The following GCFC2 variants were observed in gnomAD, a reference collection of about 807,000 sequenced individuals.
The protein encoded by GCFC2 is intron Large complex component GCFC2.
GCFC2 carries 102 observed loss-of-function variants against 99.4 expected under a neutral mutation model. That is an observed-to-expected ratio of 1.03 (90% CI 0.87 to 1.21). GCFC2 has a LOEUF of 1.21. Ranked by LOEUF, GCFC2 falls within the 50% of genes most tolerant of loss-of-function variation. GCFC2 has a pLI of 0.00. For missense variants in GCFC2, 973 were observed against 920.9 expected (o/e 1.06, Z -0.73); for synonymous variants, 338 against 316.8 (o/e 1.07, Z -0.71).
chr2:75,668,635 G>A (rs1678955831), intron 15 of GCFC2, among the ~76,000 whole-genome samples: 1 of 152,144 alleles, frequency 6.6e-6, no homozygotes, highest in Non-Finnish European at 1.5e-5. Flanking sequence ...GACAGGTTCT[G>A]AGATTTATTT....
At chr2:75,712,940 T>G (rs1340080419), upstream of GCFC2, among the ~76,000 whole-genome samples, 1 of 152,200 alleles carries the variant, frequency 6.6e-6, no homozygotes, top group Non-Finnish European at 1.5e-5. Context: ...TGGAAGACCT[T>G]AGAAGTCCAG....
chr2:75,689,460 G>A (rs1679962205), intron 9 of GCFC2, among the ~76,000 whole-genome samples: 1 of 151,996 alleles, frequency 6.6e-6, no homozygotes, highest in African/African-American at 2.4e-5. Flanking sequence ...TACCATCGTA[G>A]CTATCTTCCA....
chr2:75,710,003 TGAC>T (rs1399357171), intron 1 of GCFC2, among the ~76,000 whole-genome samples: 2 of 152,246 alleles, frequency 1.3e-5, no homozygotes, highest in East Asian at 1.9e-4. Context: ...TACTTCAAAA[TGAC>T]GACACTATAT....
At chr2:75,674,704 A>G (rs1010143366) in intron 12 of GCFC2, among the ~76,000 whole-genome samples, 6 of 152,210 alleles carry the variant, frequency 3.9e-5, no homozygotes, top group Non-Finnish European at 7.3e-5. Flanking sequence ...CAATGTATAC[A>G]GCACAAATTC....
At chr2:75,700,468 G>A (rs1396550854) in intron 4 of GCFC2, among the ~76,000 whole-genome samples, 2 of 151,824 alleles carry the variant, frequency 1.3e-5, no homozygotes, top group South Asian at 2.1e-4. Flanking sequence ...AGGTGTAGTC[G>A]AAGTAGATAT....
chr2:75,688,999 A>T, intron 10 of GCFC2, 27 bp downstream of exon 10: 1 of 1,216,610 alleles, frequency 8.2e-7, no homozygotes, highest in Non-Finnish European at 1.2e-6. Context: ...TAATCAGGAT[A>T]ATTTTTCATA....
chr2:75,699,415 G>A (rs2104389240), intron 4 of GCFC2, among the ~76,000 whole-genome samples: 1 of 152,230 alleles, frequency 6.6e-6, no homozygotes. Flanking sequence ...GAGAAAGTTT[G>A]GGAATCTCTG....
intron 11 of GCFC2, among the ~76,000 whole-genome samples, chr2:75,684,097 A>C (rs1219138361): frequency 1.3e-5 from 2 of 152,230 alleles, no homozygotes; most frequent in East Asian, 3.8e-4. Context: ...AAAGATATCC[A>C]GGAATTGAAC....
At chr2:75,684,760 T>A (rs540428842) in intron 11 of GCFC2, among the ~76,000 whole-genome samples, 2 of 152,346 alleles carry the variant, frequency 1.3e-5, no homozygotes, top group South Asian at 2.1e-4. Context: ...TGCACATGTA[T>A]GTTTATTGTG....
At chr2:75,672,998 T>A (rs1270107807) in intron 13 of GCFC2, among the ~76,000 whole-genome samples, 4 of 152,164 alleles carry the variant, frequency 2.6e-5, no homozygotes, top group African/African-American at 9.7e-5. Context: ...TCATAGAGTA[T>A]GTGTACACAT....
chr2:75,668,749 G>T (rs1227589024), intron 15 of GCFC2, among the ~76,000 whole-genome samples: 3 of 151,960 alleles, frequency 2.0e-5, no homozygotes, highest in African/African-American at 7.3e-5. Context: ...AATATTCTTT[G>T]TACTTAAAAT....
upstream of GCFC2, chr2:75,711,370 A>G (rs150678823): frequency 8.4e-4 from 154 of 182,416 alleles, no homozygotes; most frequent in African/African-American, 3.4e-3. Context: ...TAAACAATGC[A>G]TACAGACTAG....
chr2:75,675,654 G>T (rs1679297305), intron 12 of GCFC2, among the ~76,000 whole-genome samples: 1 of 146,542 alleles, frequency 6.8e-6, no homozygotes, highest in Non-Finnish European at 1.5e-5. Context: ...TGAGGCACAA[G>T]AATCGCTTGA....
chr2:75,705,904 C>T (rs577569056), intron 2 of GCFC2, among the ~76,000 whole-genome samples: 1 of 152,284 alleles, frequency 6.6e-6, no homozygotes, highest in East Asian at 1.9e-4. Flanking sequence ...AGTGCAAAAG[C>T]ACCCACAAAT....
intron 12 of GCFC2, among the ~76,000 whole-genome samples, chr2:75,677,372 C>A (rs1679388216): frequency 6.6e-6 from 1 of 152,226 alleles, no homozygotes; most frequent in Admixed American, 6.5e-5. Flanking sequence ...CACTGGTGAA[C>A]TGTCTTAGCA....
chr2:75,692,499 T>C (rs561103208), intron 6 of GCFC2, among the ~76,000 whole-genome samples: 1 of 152,024 alleles, frequency 6.6e-6, no homozygotes, highest in Non-Finnish European at 1.5e-5. Flanking sequence ...GTACAAAAAT[T>C]AGCCAGGCGC....
intron 10 of GCFC2, among the ~76,000 whole-genome samples, chr2:75,688,803 A>G (rs370308643): frequency 6.6e-6 from 1 of 151,580 alleles, no homozygotes; most frequent in African/African-American, 2.4e-5. Flanking sequence ...CTAAAAAAAA[A>G]TGTGTTTGCT....
At chr2:75,695,373 A>G (rs1385844994) in intron 5 of GCFC2, among the ~76,000 whole-genome samples, 4 of 152,212 alleles carry the variant, frequency 2.6e-5, no homozygotes, top group Non-Finnish European at 5.9e-5. Context: ...AAAATGTCCA[A>G]CAGAGAAGTA....
chr2:75,701,359 TGA>T, intron 3 of GCFC2, 72 bp from the exon 4 acceptor site: 1 of 836,830 alleles, frequency 1.2e-6, no homozygotes, highest in Admixed American at 2.0e-5. Context: ...CAACATTTTT[TGA>T]GATTATACAA....
Sources: gnomAD v4.1 joint callset for allele counts (sites outside exome capture counted in the v4.1 genomes callset) on GRCh38, gnomAD v4.1.1 for gene constraint, MANE v1.5 for transcripts, NCBI Gene and HGNC (gene_info 2026-07-23, HGNC 2026-07-21) for gene names.